Variants in HCN1 observed in about 807,000 individuals in gnomAD.
The protein encoded by HCN1 is hyperpolarization activated cyclic nucleotide gated potassium channel 1.
A neutral mutation model predicts 78.9 loss-of-function variants in HCN1; 13 were observed. The observed-to-expected ratio is 0.16, with a 90% CI of 0.11 to 0.26. HCN1 has a LOEUF of 0.26. Ranked by LOEUF, HCN1 falls within the 10% of genes least tolerant of loss-of-function variation. HCN1 has a pLI of 1.00. For synonymous variants in HCN1, 552 were observed against 455.5 expected, an observed-to-expected ratio of 1.21 and a Z score of -2.70; for missense variants, 810 against 1,154.3, an observed-to-expected ratio of 0.70 and a Z score of 4.32.
At chr5:45,472,068 G>C (rs1741403162) in intron 2 of HCN1, among the ~76,000 whole-genome samples, 1 of 151,786 alleles carries the variant, frequency 6.6e-6, no homozygotes, top group South Asian at 2.1e-4. Flanking sequence ...TTTGTGATGT[G>C]GTCTCTGTAC....
chr5:45,657,919 G>C (rs982752455), intron 1 of HCN1, among the ~76,000 whole-genome samples: 31 of 152,302 alleles, frequency 2.0e-4, no homozygotes, highest in Non-Finnish European at 4.4e-4. Context: ...CCAAAAAAGA[G>C]CCTGCATCGC....
intron 4 of HCN1, among the ~76,000 whole-genome samples, chr5:45,374,131 TATTATATACATATTATATATAATATAC>T (rs1561130270): frequency 9.0e-6 from 1 of 111,124 alleles, no homozygotes; most frequent in Non-Finnish European, 1.7e-5. Flanking sequence ...ATATAATATA[TATTATATACATATTATATATAATATAC>T]ATTATATACA....
chr5:45,322,660 T>C (rs1746147225), intron 5 of HCN1, among the ~76,000 whole-genome samples: 1 of 151,846 alleles, frequency 6.6e-6, no homozygotes, highest in Non-Finnish European at 1.5e-5. Context: ...TGAAATAAAC[T>C]TTTGATTGCA....
chr5:45,368,099 C>T (rs1464388878), intron 4 of HCN1, among the ~76,000 whole-genome samples: 1 of 151,958 alleles, frequency 6.6e-6, no homozygotes. Context: ...TTACACTATT[C>T]CTAACAATCA....
chr5:45,563,250 G>C (rs1743641881), intron 2 of HCN1, among the ~76,000 whole-genome samples: 1 of 152,064 alleles, frequency 6.6e-6, no homozygotes, highest in South Asian at 2.1e-4. Flanking sequence ...AGGAGTTCAA[G>C]ACCAGCCTGG....
At chr5:45,373,324 A>G (rs1747473867) in intron 4 of HCN1, among the ~76,000 whole-genome samples, 1 of 121,258 alleles carries the variant, frequency 8.2e-6, no homozygotes, top group African/African-American at 3.2e-5. Context: ...TAAAATATAT[A>G]TTTCATATAT....
At chr5:45,311,356 A>T (rs1344925111) in intron 5 of HCN1, among the ~76,000 whole-genome samples, 1 of 152,184 alleles carries the variant, frequency 6.6e-6, no homozygotes, top group Non-Finnish European at 1.5e-5. Flanking sequence ...GCCCACTAGC[A>T]AAAGGGTGGA....
chr5:45,630,327 T>C (rs1331703687), intron 2 of HCN1, among the ~76,000 whole-genome samples: 1 of 152,220 alleles, frequency 6.6e-6, no homozygotes, highest in East Asian at 1.9e-4. Context: ...ATTTACTAGC[T>C]GTGCAATATG....
At chr5:45,325,201 C>T (rs1746212914) in intron 5 of HCN1, among the ~76,000 whole-genome samples, 1 of 151,698 alleles carries the variant, frequency 6.6e-6, no homozygotes, top group African/African-American at 2.4e-5. Context: ...GAAGACAGCA[C>T]CTCTGCGGAC....
intron 3 of HCN1, among the ~76,000 whole-genome samples, chr5:45,430,020 A>G (rs1428418829): frequency 3.3e-5 from 5 of 152,186 alleles, no homozygotes; most frequent in Admixed American, 6.5e-5. Flanking sequence ...GAATTGAGCT[A>G]TTATAAGTAC....
intron 6 of HCN1, among the ~76,000 whole-genome samples, chr5:45,291,756 C>G (rs1745381259): frequency 6.6e-6 from 1 of 151,906 alleles, no homozygotes; most frequent in Admixed American, 6.6e-5. Flanking sequence ...TCTTGAACTC[C>G]TGGGATCAAG....
chr5:45,337,350 T>C (rs1315737631), intron 5 of HCN1, among the ~76,000 whole-genome samples: 1 of 152,098 alleles, frequency 6.6e-6, no homozygotes, highest in Non-Finnish European at 1.5e-5. Context: ...GCTTTTGTAA[T>C]ACATTAAAAA....
intron 3 of HCN1, among the ~76,000 whole-genome samples, chr5:45,460,717 G>A (rs1741128417): frequency 1.3e-5 from 2 of 150,518 alleles, no homozygotes; most frequent in African/African-American, 2.4e-5. Flanking sequence ...GAAAAAGGAA[G>A]GAAGGAAGGA....
intron 3 of HCN1, among the ~76,000 whole-genome samples, chr5:45,437,746 T>C (rs1010488040): frequency 5.3e-5 from 8 of 152,250 alleles, no homozygotes; most frequent in Non-Finnish European, 1.0e-4. Context: ...TCTATTGCTG[T>C]ATAACAAGTT....
chr5:45,490,054 T>C (rs1741851152), intron 2 of HCN1, among the ~76,000 whole-genome samples: 2 of 152,316 alleles, frequency 1.3e-5, no homozygotes, highest in South Asian at 2.1e-4. Context: ...GGATAAGACA[T>C]TGCTGGAGCA....
intron 6 of HCN1, among the ~76,000 whole-genome samples, chr5:45,297,600 T>C (rs940654591): frequency 1.3e-5 from 2 of 152,080 alleles, no homozygotes; most frequent in African/African-American, 4.8e-5. Flanking sequence ...AGGAGCACTT[T>C]CAAATCCATT....
At chr5:45,488,126 G>C (rs1364376453) in intron 2 of HCN1, among the ~76,000 whole-genome samples, 3 of 151,932 alleles carry the variant, frequency 2.0e-5, no homozygotes, top group Non-Finnish European at 4.4e-5. Context: ...TTCTCATTGA[G>C]GTCTTCCTTG....
rs575447203 is a variant in HCN1 at position 45,567,299 on chromosome 5, C to G, written c.849+77886G>C. Among the ~76,000 whole-genome samples the G allele has an allele frequency of 6.8e-4, 103 of 151,554 alleles. 1 individual carries two copies. The highest frequency in any genetic ancestry group is 6.7e-3 in the Admixed American group (102 of 15,222). ...GTGCCAGAAATTGTTCTTGGCTCTG[C>G]TAACACAACAATAAACAAAGAATGT... On this transcript the variant is annotated intron_variant, in intron 2 of 7. Transcript: ENST00000303230.
intron 2 of HCN1, among the ~76,000 whole-genome samples, chr5:45,637,106 T>C (rs923482866): frequency 2.6e-5 from 4 of 152,134 alleles, no homozygotes; most frequent in African/African-American, 9.7e-5. Context: ...GTTGATTAAT[T>C]TTTCCATGAT....
Sources: gnomAD v4.1 joint callset for allele counts (sites outside exome capture counted in the v4.1 genomes callset) on GRCh38, gnomAD v4.1.1 for gene constraint, MANE v1.5 for transcripts, NCBI Gene and HGNC (gene_info 2026-07-23, HGNC 2026-07-21) for gene names.